PAOX: variants seen among roughly 807,000 people sequenced by gnomAD.
The protein encoded by PAOX is polyamine oxidase, also known as peroxisomal N(1)-acetyl-spermine/spermidine oxidase.
In PAOX, 38 loss-of-function variants were observed where a neutral mutation model predicts 39.0. That is an observed-to-expected ratio of 0.97 (90% CI 0.75 to 1.28). PAOX has a LOEUF of 1.28. Ranked by LOEUF, PAOX falls within the 50% of genes most tolerant of loss-of-function variation. PAOX has a pLI of 0.00. For missense variants in PAOX, 667 were observed against 685.7 expected (o/e 0.97, Z 0.30); for synonymous variants, 311 against 314.4 (o/e 0.99, Z 0.11).
At position 133,386,332 on chromosome 10, in the gene PAOX, C is replaced by T. The variant is rs1474161340; in HGVS notation, c.1121+2120C>T. Reference sequence around the variant, plus strand: ...GAGCCACCACGCCCGGCCTTTTCTGCAAAACTCTTCAGTGTTACACTTAAT... The same window carrying T: ...GAGCCACCACGCCCGGCCTTTTCTGTAAAACTCTTCAGTGTTACACTTAAT... On this transcript the variant is annotated intron_variant, in intron 4 of 6. Coordinates refer to ENST00000278060, the MANE Select transcript of PAOX (RefSeq NM_152911.4). Among the ~76,000 whole-genome samples, 3 of 151,434 alleles carry T rather than the reference C, an allele frequency of 2.0e-5. No individual in the cohort carries two copies. In the East Asian group the frequency reaches 5.9e-4, roughly 30 times the overall value.
chr10:133,381,386 A>G (rs10745295), intron 2 of PAOX, 74 bp from the exon 3 acceptor site: 1,439,605 of 1,449,024 alleles, frequency 0.99, 715,567 homozygotes, highest in East Asian at 1. Context: ...GTGGGAACTC[A>G]GAGCACGTAT....
Position 133,391,427 on chromosome 10 carries a change from A to G in PAOX, c.1508A>G (p.Gln503Arg), listed in dbSNP as rs564366146. 63 of 1,612,618 alleles carry G rather than the reference A, an allele frequency of 3.9e-5. No individual in the cohort carries two copies. In the South Asian group the frequency reaches 4.5e-4, roughly 12 times the overall value. Residue 503 changes from glutamine to arginine, a missense_variant, in exon 7 of 7, where the codon CAG becomes CGG. Physicochemically the swap from Gln to Arg is conservative, Grantham distance 43. Coordinates refer to ENST00000278060, the MANE Select transcript of PAOX (RefSeq NM_152911.4). Reference sequence around the variant, plus strand: ...CGCCTCCTCAGTCTGTGGGCCCCGCAGGTGCAGCAGCCCAGGCCCAGGCTC... The same window carrying G: ...CGCCTCCTCAGTCTGTGGGCCCCGCGGGTGCAGCAGCCCAGGCCCAGGCTC... ...ADRLLSLWAP[Q>R]VQQPRPRL
At chr10:133,389,482 T>C (rs1362278525) in intron 5 of PAOX, 108 bp from the exon 6 acceptor site, 4 of 1,480,028 alleles carry the variant, frequency 2.7e-6, no homozygotes, top group Non-Finnish European at 3.7e-6. Flanking sequence ...CTTTTCTTCC[T>C]GCATAGCATC....
chr10:133,389,171 G>T, intron 5 of PAOX, 103 bp downstream of exon 5: 1 of 905,852 alleles, frequency 1.1e-6, no homozygotes. Flanking sequence ...AAATTTGGCT[G>T]ACTCTGTACA....
intron 3 of PAOX, 71 bp from the exon 4 acceptor site, chr10:133,383,889 A>G: frequency 1.3e-6 from 2 of 1,522,342 alleles, no homozygotes. Context: ...TGCTGGATCC[A>G]AGGTCTGGAC....
In PAOX at chr10:133,380,282, C is replaced by T. The variant is rs1421244470; in HGVS notation, c.465C>T (p.Val155=). ...LHAAETPVPS[V]GEYLKKEIGQ... is the part of the protein sequence containing the mutation. ...CTGCAGAGACCCCGGTGCCCAGCGT[C>T]GGGGAGTACCTCAAGAAGGAGATTG... is the stretch of plus-strand genomic sequence containing the variant. The change falls in exon 2 of 7, where the codon GTC becomes GTT. Residue 155 remains valine, a synonymous_variant. Transcript: ENST00000278060. 1 of 1,612,870 alleles carries T rather than the reference C, an allele frequency of 6.2e-7. No homozygotes were observed. The highest frequency in any genetic ancestry group is 8.5e-7 in the Non-Finnish European group (1 of 1,180,032).
intron 1 of PAOX, 47 bp from the exon 2 acceptor site, chr10:133,379,952 C>T (rs371090055): frequency 1.5e-5 from 23 of 1,502,520 alleles, no homozygotes; most frequent in Admixed American, 1.4e-4. Context: ...TCGGGGTGAC[C>T]CTTCTAGGAA....
At position 133,381,538 on chromosome 10, in the gene PAOX, C is replaced by G; in HGVS notation, c.747C>G (p.Thr249=). ...DTVVFEKPVK[T]IHWNGSFQEA... ...TAGTTTTTGAGAAGCCTGTGAAGAC[C>G]ATCCACTGGAACGGGTCCTTCCAGG... The change falls in exon 3 of 7, where the codon ACC becomes ACG. Residue 249 remains threonine (T), a synonymous_variant. Coordinates refer to ENST00000278060, the MANE Select transcript of PAOX (RefSeq NM_152911.4). 1 of 1,613,804 alleles carries G rather than the reference C, an allele frequency of 6.2e-7. No homozygotes were observed. The highest frequency in any genetic ancestry group is 8.5e-7 in the Non-Finnish European group (1 of 1,180,030).
intron 5 of PAOX, 110 bp downstream of exon 5, chr10:133,389,178 T>A: frequency 1.2e-6 from 1 of 855,468 alleles, no homozygotes; most frequent in Non-Finnish European, 2.0e-6. Flanking sequence ...GCTGACTCTG[T>A]ACATCTCCAG....
At chr10:133,383,562 C>T (rs1462890232) in intron 3 of PAOX, among the ~76,000 whole-genome samples, 6 of 143,906 alleles carry the variant, frequency 4.2e-5, no homozygotes, top group East Asian at 2.0e-4. Context: ...AAGATGGCAT[C>T]GTTGCATTCC....
Position 133,381,493 on chromosome 10 carries a change from C to T in PAOX, c.702C>T (p.Ala234=), listed in dbSNP as rs1849376242. 5.6e-6 allele frequency: 9 copies of T among 1,613,720 alleles called. No individual in the cohort carries two copies. The highest frequency in any genetic ancestry group is 1.6e-4 in the Middle Eastern group (1 of 6,062). Residue 234 remains alanine (A), a synonymous_variant, in exon 3 of 7, where the codon GCC becomes GCT. Transcript: ENST00000278060. ...GYQGLTNCMM[A]ALPEDTVVFE... ...AAGGACTCACAAACTGCATGATGGC[C>T]GCCCTGCCGGAGGACACTGTAGTTT...
rs765944198 is a variant in PAOX, at chr10:133,391,293, CCCTGGCT to C, written c.1393-17_1393-11del. On this transcript the variant is annotated splice_polypyrimidine_tract_variant and intron_variant, in intron 6 of 6. Transcript: ENST00000278060. ...TGTCTGAATTGCATCCCCATTCTAA[CCCTGGCT>C]CTTCTTTGCAGCTCCAGATCCTGTT... The C allele has an allele frequency of 8.7e-6, 14 of 1,610,680 alleles. No individual in the cohort carries two copies. In the East Asian group the frequency reaches 2.9e-4, roughly 33 times the overall value.
chr10:133,382,050 C>A lies in PAOX; in HGVS notation c.868+391C>A, dbSNP rs529825755. On this transcript the variant is annotated intron_variant, in intron 3 of 6. Coordinates refer to ENST00000278060, the MANE Select transcript of PAOX (RefSeq NM_152911.4). ...ATTCTGTTTAATTCTAGATCTGGTGCTTTAGATCTGTCCTTGAGTAGAGGT... is the reference window on the plus strand; with the variant it reads ...ATTCTGTTTAATTCTAGATCTGGTGATTTAGATCTGTCCTTGAGTAGAGGT... Among the ~76,000 whole-genome samples, 69 of 152,108 alleles carry A rather than the reference C, an allele frequency of 4.5e-4. 1 individual carries two copies. Among genetic ancestry groups the A allele is most frequent in the Non-Finnish European group, 3.2e-4 (22 of 68,030 alleles).
At chr10:133,385,496 A>T (rs1390622849) in intron 4 of PAOX, among the ~76,000 whole-genome samples, 1 of 152,014 alleles carries the variant, frequency 6.6e-6, no homozygotes, top group Non-Finnish European at 1.5e-5. Flanking sequence ...TAGCTGTCCC[A>T]TCCTTTTATA....
chr10:133,381,676 G>T lies in PAOX; in HGVS notation c.868+17G>T, dbSNP rs942865014. ...TGCCCTTAGGTAGGTCAGGTTTTCA[G>T]CCCAAACCCCCATCCCAAGTGCCCC... On this transcript the variant is annotated intron_variant, in intron 3 of 6. Transcript: ENST00000278060. 2 of 1,611,342 alleles carry T rather than the reference G, an allele frequency of 1.2e-6. No homozygotes were observed. The highest frequency in any genetic ancestry group is 1.7e-6 in the Non-Finnish European group (2 of 1,179,134).
rs1849687444 is a variant in PAOX at position 133,391,608 on chromosome 10, G to A, written c.*153G>A. On this transcript the variant is annotated 3_prime_UTR_variant, in exon 7 of 7. Transcript: ENST00000278060. The stretch of plus-strand genomic sequence containing the variant: ...GGCCACCTTCTCAGTTCTTGTGTCT[G>A]TTATTGGAGTCTGGCCAGGGTTGAC... 3.3e-6 allele frequency: 4 copies of A among 1,212,794 alleles called. No homozygotes were observed. In the South Asian group the frequency reaches 6.4e-5, roughly 19 times the overall value. 75.1% of individuals were successfully genotyped at this position (1,212,794 alleles called of 1,614,324 possible).
chr10:133,380,946 C>T (rs1382201207), intron 2 of PAOX, among the ~76,000 whole-genome samples: 1 of 152,224 alleles, frequency 6.6e-6, no homozygotes, highest in Admixed American at 6.5e-5. Context: ...CCATTGCACT[C>T]CAACCTGGGC....
intron 6 of PAOX, 28 bp downstream of exon 6, chr10:133,389,775 G>A (rs779347893): frequency 2.2e-5 from 32 of 1,444,208 alleles, no homozygotes; most frequent in Middle Eastern, 2.3e-4. Flanking sequence ...GTCGGGGGGC[G>A]TGGGTCCCGC....
At chr10:133,390,290 C>T (rs1849640318) in intron 6 of PAOX, among the ~76,000 whole-genome samples, 1 of 147,662 alleles carries the variant, frequency 6.8e-6, no homozygotes, top group Non-Finnish European at 1.5e-5. Flanking sequence ...AAATACTTAA[C>T]TATGATGCTG....
Sources: allele counts gnomAD v4.1 joint callset (sites outside exome capture counted in the v4.1 genomes callset), GRCh38; gene constraint gnomAD v4.1.1; transcripts MANE v1.5; gene names NCBI Gene and HGNC (gene_info 2026-07-23, HGNC 2026-07-21).